SPEG: variants seen among roughly 807,000 people sequenced by gnomAD.
SPEG encodes striated muscle enriched protein kinase.
In SPEG, 114 loss-of-function variants were observed where a neutral mutation model predicts 300.4. The ratio of observed to expected loss-of-function variants is 0.38; its 90% CI spans 0.33 to 0.44. The LOEUF is 0.44. Among genes scored for constraint, SPEG ranks in the 20% least tolerant of loss-of-function variants. SPEG has a pLI of 1.00. For missense variants in SPEG, 4,201 were observed against 4,586.2 expected (o/e 0.92, Z 2.43); for synonymous variants, 1,964 against 2,018.9 (o/e 0.97, Z 0.73).
chr2:219,478,123 G>A lies in SPEG; in HGVS notation c.5027+18G>A, dbSNP rs1263688696. 6.2e-7 allele frequency: 1 copy of A among 1,600,606 alleles called. No homozygotes were observed. The highest frequency in any genetic ancestry group is 8.6e-7 in the Non-Finnish European group (1 of 1,168,786). On this transcript the variant is annotated intron_variant, in intron 22 of 40. Coordinates refer to ENST00000312358, the MANE Select transcript of SPEG (RefSeq NM_005876.5). Reference sequence around the variant, plus strand: ...ACCGAGCTGTATCCTGGGACAGGCTGGGGGCTAGGGGGATCCATGCCTAAA... The same window carrying A: ...ACCGAGCTGTATCCTGGGACAGGCTAGGGGCTAGGGGGATCCATGCCTAAA...
Position 219,439,734 on chromosome 2 carries a change from C to T in SPEG, c.388+4369C>T, listed in dbSNP as rs1006909430. Among the ~76,000 whole-genome samples, 3 of 152,184 alleles carry T rather than the reference C, an allele frequency of 2.0e-5. No individual in the cohort carries two copies. Among genetic ancestry groups the T allele is most frequent in the African/African-American group, 7.2e-5 (3 of 41,434 alleles). On this transcript the variant is annotated intron_variant, in intron 1 of 40. Transcript: ENST00000312358. This position sits in a 1 kb window ranked among gnomAD's most constrained non-coding sequence, Gnocchi z 4.5. ...GCAGTGCCGACCCAGAGCAGGAACA[C>T]AGAATCCTGCCGGCCCCTCCTGGGC...
chr2:219,444,716 A>C lies in SPEG; in HGVS notation c.452A>C (p.Asp151Ala). Residue 151 changes from aspartate to alanine, a missense_variant, in exon 2 of 41, where the codon GAT becomes GCT. By Grantham distance (126) the Asp-to-Ala change is moderately radical. Around this residue, in one of 4 missense-constraint regions of SPEG, gnomAD observed 1,258 missense variants for 1,293.9 expected, o/e 0.97. Coordinates refer to ENST00000312358, the MANE Select transcript of SPEG (RefSeq NM_005876.5). The surrounding 1 kb of genome is among the most constrained non-coding windows in gnomAD (Gnocchi z 7.8). Reference protein sequence around the residue: ...VQGTQRLELRDDGAFSTPTGG... With the variant: ...VQGTQRLELRADGAFSTPTGG... Reference sequence around the variant, plus strand: ...GGAACCCAGCGCCTGGAGCTTCGGGATGACGGGGCCTTCAGCACCCCCACG... The same window carrying C: ...GGAACCCAGCGCCTGGAGCTTCGGGCTGACGGGGCCTTCAGCACCCCCACG... 1 of 1,613,972 alleles carries C rather than the reference A, an allele frequency of 6.2e-7. No individual in the cohort carries two copies. Among genetic ancestry groups the C allele is most frequent in the Non-Finnish European group, 8.5e-7 (1 of 1,179,946 alleles).
At position 219,484,794 on chromosome 2, in the gene SPEG, C is replaced by T. The variant is rs747132290; in HGVS notation, c.7331C>T (p.Ser2444Leu). 2.7e-5 allele frequency: 39 copies of T among 1,469,170 alleles called. No homozygotes were observed. In the East Asian group the frequency reaches 1.0e-3, roughly 38 times the overall value. The allele number at this position is 1,469,170 out of a possible 1,614,324, so 91.0% of individuals were successfully genotyped here. A position where few individuals can be genotyped will look rare whatever the true frequency, so the allele number is the denominator to read the frequency against. ...GDGESSEGGS[S>L]ARGSPVLAMR... ...GGAGAGAGCTCGGAGGGCGGGAGCTCGGCGCGGGGCTCCCCGGTGCTGGCG... is the reference window on the plus strand; with the variant it reads ...GGAGAGAGCTCGGAGGGCGGGAGCTTGGCGCGGGGCTCCCCGGTGCTGGCG... Residue 2444 changes from serine (S) to leucine (L), a missense_variant, in exon 30 of 41, where the codon TCG (serine) becomes TTG (leucine). Physicochemically the swap from Ser to Leu is moderately radical, Grantham distance 145 (BLOSUM62 -2). Transcript: ENST00000312358.
rs530070243 is a variant in SPEG, at chr2:219,465,898, T to C, written c.2882-1276T>C. ...GTGCGTGCGTGTGCATGTGTGCGTA[T>C]GGGTGTGTGCATGCGTGTGTGTGTG... On this transcript the variant is annotated intron_variant, in intron 9 of 40. Transcript: ENST00000312358. 3.9e-4 allele frequency: 257 copies of C among 656,414 alleles called. 1 individual carries two copies. In the East Asian group the frequency reaches 7.1e-3, roughly 18 times the overall value. 40.7% of individuals were successfully genotyped at this position (656,414 alleles called of 1,614,324 possible).
chr2:219,459,849 C>CA lies in SPEG; in HGVS notation c.2441-2033_2441-2032insA, dbSNP rs1231410977. 6.6e-6 allele frequency among the ~76,000 whole-genome samples: 1 copy of CA among 152,244 alleles called. No individual in the cohort carries two copies. Among genetic ancestry groups the CA allele is most frequent in the Admixed American group, 6.5e-5 (1 of 15,290 alleles). On this transcript the variant is annotated intron_variant, in intron 6 of 40. Transcript: ENST00000312358. The surrounding 1 kb of genome is among the most constrained non-coding windows in gnomAD (Gnocchi z 4.9). ...GACAGCCAGCCTGAACCGTGGGCCC[C>CA]TCCTCTGCCCGGCCCCCAGCCCTCC...
Position 219,448,756 on chromosome 2 carries a change from C to G in SPEG, c.1598C>G (p.Pro533Arg). The stretch of plus-strand genomic sequence containing the variant: ...CCATCCCCTCGAGAGCCCGGCGAGC[C>G]CCCGCTCTTCTCTCGGCCCTCCACC... ...RAPSPREPGE[P>R]PLFSRPSTPK... is the part of the protein sequence containing the mutation. The change falls in exon 4 of 41, where the codon CCC becomes CGC. Residue 533 changes from proline to arginine, a missense_variant. Pro to Arg is a moderately radical substitution (Grantham distance 103). Around this residue, in one of 4 missense-constraint regions of SPEG, gnomAD observed 1,258 missense variants for 1,293.9 expected, o/e 0.97. Coordinates refer to ENST00000312358, the MANE Select transcript of SPEG (RefSeq NM_005876.5). 1.4e-6 allele frequency: 2 copies of G among 1,464,970 alleles called. No homozygotes were observed. The highest frequency in any genetic ancestry group is 1.8e-6 in the Non-Finnish European group (2 of 1,114,968). The allele number at this position is 1,464,970 out of a possible 1,614,324, so 90.7% of individuals were successfully genotyped here. A position where few individuals can be genotyped will look rare whatever the true frequency, so the allele number is the denominator to read the frequency against.
At position 219,490,623 on chromosome 2, in the gene SPEG, G is replaced by C; in HGVS notation, c.9136G>C (p.Glu3046Gln). 1.2e-6 allele frequency: 2 copies of C among 1,611,658 alleles called. No individual in the cohort carries two copies. The highest frequency in any genetic ancestry group is 1.7e-6 in the Non-Finnish European group (2 of 1,177,914). The change falls in exon 37 of 41, where the codon GAA becomes CAA. Residue 3046 changes from glutamate (E) to glutamine (Q), a missense_variant. Physicochemically the swap from Glu to Gln is conservative, Grantham distance 29. Coordinates refer to ENST00000312358, the MANE Select transcript of SPEG (RefSeq NM_005876.5). ...VLIAESCGNR[E>Q]LLCGLSDRFR... ...CATTGCTGAGAGCTGTGGCAACCGGGAACTCCTCTGTGGGCTCAGTGACAG... is the reference window on the plus strand; with the variant it reads ...CATTGCTGAGAGCTGTGGCAACCGGCAACTCCTCTGTGGGCTCAGTGACAG...
intron 8 of SPEG, among the ~76,000 whole-genome samples, chr2:219,463,458 G>A (rs1690942878): frequency 8.6e-6 from 1 of 115,678 alleles, no homozygotes; most frequent in Admixed American, 1.2e-4. Flanking sequence ...TTGTCGCCCA[G>A]GCTGGAGTGC....
chr2:219,450,904 C>T, intron 4 of SPEG: 1 of 453,032 alleles, frequency 2.2e-6, no homozygotes, highest in East Asian at 3.8e-5. Flanking sequence ...GGAACGGCCA[C>T]ACTAACATGG....
In SPEG at chr2:219,435,323, C is replaced by T. The variant is rs746145604; in HGVS notation, c.346C>T (p.Arg116Trp). The part of the protein sequence containing the change: ...YSCMAQNERG[R>W]ASCEAVLTVL... The stretch of plus-strand genomic sequence containing the variant: ...CTGCATGGCCCAGAACGAGCGGGGC[C>T]GGGCCTCCTGCGAGGCGGTGCTCAC... Residue 116 changes from arginine (R) to tryptophan (W), a missense_variant, in exon 1 of 41, where the codon CGG (arginine) becomes TGG (tryptophan). Arg to Trp is a moderately radical substitution (Grantham distance 101). Transcript: ENST00000312358. 30 of 1,537,432 alleles carry T rather than the reference C, an allele frequency of 2.0e-5. No individual in the cohort carries two copies. Among genetic ancestry groups the T allele is most frequent in the Non-Finnish European group, 2.5e-5 (29 of 1,149,216 alleles).
chr2:219,483,840 A>G lies in SPEG; in HGVS notation c.6377A>G (p.Gln2126Arg), dbSNP rs1362273250. The change falls in exon 30 of 41, where the codon CAA becomes CGA. Residue 2126 changes from glutamine (Q) to arginine (R), a missense_variant. Physicochemically the swap from Gln to Arg is conservative, Grantham distance 43. Coordinates refer to ENST00000312358, the MANE Select transcript of SPEG (RefSeq NM_005876.5). Reference protein sequence around the residue: ...HQPPLENRGLQKSSSFSQGEA... With the variant: ...HQPPLENRGLRKSSSFSQGEA... ...CCCCCACTCGAGAACCGGGGCCTGC[A>G]AAAGAGCAGCAGCTTCTCCCAGGGT... 1 of 1,588,640 alleles carries G rather than the reference A, an allele frequency of 6.3e-7. No individual in the cohort carries two copies. Among genetic ancestry groups the G allele is most frequent in the Non-Finnish European group, 8.5e-7 (1 of 1,173,372 alleles).
chr2:219,475,540 G>A (rs534211144), intron 18 of SPEG, among the ~76,000 whole-genome samples: 1 of 152,170 alleles, frequency 6.6e-6, no homozygotes, highest in Admixed American at 6.5e-5. Flanking sequence ...TGAAGATGGT[G>A]GGGGTGCTGG....
chr2:219,475,612 C>T (rs1429765603), intron 18 of SPEG, among the ~76,000 whole-genome samples: 2 of 152,192 alleles, frequency 1.3e-5, no homozygotes, highest in Admixed American at 6.5e-5. Context: ...ACTCAGTCAC[C>T]ACTTTACTCC....
rs758478780 is a variant in SPEG at position 219,444,962 on chromosome 2, C to T, written c.616C>T (p.Arg206Cys). ...GGAAGCGGGCAGTGGGGGTGGCACC[C>T]GCCGCCTCCCGGGCAGCCCAAGGCA... is the stretch of plus-strand genomic sequence containing the variant. ...EQEAGSGGGT[R>C]RLPGSPRQAQ... Residue 206 changes from arginine (R) to cysteine (C), a missense_variant, in exon 3 of 41, where the codon CGC (arginine) becomes TGC (cysteine). Around this residue, in one of 4 missense-constraint regions of SPEG, gnomAD observed 1,258 missense variants for 1,293.9 expected, o/e 0.97. Coordinates refer to ENST00000312358, the MANE Select transcript of SPEG (RefSeq NM_005876.5). The surrounding 1 kb of genome is among the most constrained non-coding windows in gnomAD (Gnocchi z 7.8). 3.4e-5 allele frequency: 55 copies of T among 1,600,578 alleles called. No homozygotes were observed. The highest frequency in any genetic ancestry group is 8.4e-5 in the Admixed American group (5 of 59,224).
At chr2:219,476,253 C>G (rs1224126722) in intron 18 of SPEG, among the ~76,000 whole-genome samples, 1 of 152,192 alleles carries the variant, frequency 6.6e-6, no homozygotes, top group Non-Finnish European at 1.5e-5. Flanking sequence ...GTTCATCTTG[C>G]CATCTCCCAG....
Position 219,493,457 on chromosome 2 carries a change from C to T in SPEG, c.*671C>T. The T allele has an allele frequency of 2.3e-6, 1 of 429,480 alleles. No homozygotes were observed. Among genetic ancestry groups the T allele is most frequent in the South Asian group, 1.7e-5 (1 of 59,210 alleles). The allele number at this position is 429,480 out of a possible 1,614,324, so 26.6% of individuals were successfully genotyped here. A position where few individuals can be genotyped will look rare whatever the true frequency, so the allele number is the denominator to read the frequency against. ...CGCTCTGCTGGCCCAAGGATGTCCC[C>T]ACTGCCCCTCCATGGCCTCTGGCCT... On this transcript the variant is annotated 3_prime_UTR_variant, in exon 41 of 41. Coordinates refer to ENST00000312358, the MANE Select transcript of SPEG (RefSeq NM_005876.5).
rs772886579 is a variant in SPEG at position 219,444,807 on chromosome 2, C to T, written c.479-18C>T. Reference sequence around the variant, plus strand: ...TTCCATAAGGGGTGCCTCAGTCTCACGGTGCTCCTTTCTCTAGGGGGTTCT... The same window carrying T: ...TTCCATAAGGGGTGCCTCAGTCTCATGGTGCTCCTTTCTCTAGGGGGTTCT... On this transcript the variant is annotated intron_variant, in intron 2 of 40. Transcript: ENST00000312358. The surrounding 1 kb of genome is among the most constrained non-coding windows in gnomAD (Gnocchi z 7.8). 1.3e-5 allele frequency: 21 copies of T among 1,606,476 alleles called. No homozygotes were observed. The highest frequency in any genetic ancestry group is 4.5e-5 in the East Asian group (2 of 44,748).
rs1486719986 is a variant in SPEG, at chr2:219,493,565, C to T, written c.*779C>T. ...ATCCCTACTGCCCATGTTGTCCTGA[C>T]CATCCCTCCCAGCCATCCAGCTGTC... On this transcript the variant is annotated 3_prime_UTR_variant, in exon 41 of 41. Coordinates refer to ENST00000312358, the MANE Select transcript of SPEG (RefSeq NM_005876.5). The T allele has an allele frequency of 2.1e-6, 1 of 465,480 alleles. No individual in the cohort carries two copies. Among genetic ancestry groups the T allele is most frequent in the South Asian group, 1.5e-5 (1 of 65,254 alleles). The allele number at this position is 465,480 out of a possible 1,614,324, so 28.8% of individuals were successfully genotyped here. A position where few individuals can be genotyped will look rare whatever the true frequency, so the allele number is the denominator to read the frequency against.
rs199780262 is a variant in SPEG at position 219,445,556 on chromosome 2, ATC to A, written c.815+401_815+402del. On this transcript the variant is annotated intron_variant, in intron 3 of 40. Transcript: ENST00000312358. The surrounding 1 kb of genome is among the most constrained non-coding windows in gnomAD (Gnocchi z 6.1). ...CTGTCTCAGCAGCTGCTGCCTTTTC[ATC>A]TCTCTGCACATTCCTGTTCCCATGT... is the stretch of plus-strand genomic sequence containing the variant. 9.7e-3 allele frequency: 2,846 copies of A among 292,924 alleles called. 100 individuals are homozygous for A. The highest frequency in any genetic ancestry group is 0.059 in the African/African-American group (2,638 of 44,948). The allele number at this position is 292,924 out of a possible 1,614,324, so 18.1% of individuals were successfully genotyped here.
Sources: gnomAD v4.1 joint callset for allele counts (sites outside exome capture counted in the v4.1 genomes callset) on GRCh38, gnomAD v4.1.1 for gene constraint, gnomAD v4.1.1 regional missense constraint, Gnocchi (gnomAD v3.1) non-coding constraint, MANE v1.5 for transcripts, NCBI Gene and HGNC (gene_info 2026-07-23, HGNC 2026-07-21) for gene names.